APOB: variants seen among roughly 807,000 people sequenced by gnomAD.
The protein encoded by APOB is apolipoprotein B.
Under a neutral mutation model 314.1 loss-of-function variants are expected in APOB, and 153 were observed. That is an observed-to-expected ratio of 0.49 (90% CI 0.43 to 0.56). The LOEUF (loss-of-function observed/expected upper bound fraction) is 0.56, where lower values mean the gene tolerates loss of function less well. Among genes scored for constraint, APOB ranks in the 20% least tolerant of loss-of-function variants. The pLI, the probability that APOB is intolerant of heterozygous loss-of-function variation, is 0.00. For synonymous variants in APOB, 2,087 were observed against 2,036.4 expected (o/e 1.02, Z -0.67); for missense variants, 5,430 against 5,350.7 (o/e 1.01, Z -0.46).
intron 2 of APOB, among the ~76,000 whole-genome samples, 167 bp from the exon 3 acceptor site, chr2:21,042,643 TCCA>T (rs780306174): frequency 3.3e-5 from 5 of 152,106 alleles, no homozygotes; most frequent in South Asian, 4.2e-4. Context: ...ATTTGACTTC[TCCA>T]TTATGTTTTT....
In APOB at chr2:21,003,059, C is replaced by T; in HGVS notation, c.12363G>A (p.Arg4121=). The change falls in exon 29 of 29, where the codon AGG becomes AGA. Residue 4121 remains arginine (R), a synonymous_variant. Transcript: ENST00000233242. The part of the protein sequence containing the change: ...NAEWVYQGAI[R]QIDDIDVRFQ... The stretch of plus-strand genomic sequence containing the variant: ...ACCTCACGTCGATATCATCAATTTG[C>T]CTAATGGCCCCTTGATAAACCCACT... The T allele has an allele frequency of 1.3e-6, 2 of 1,570,746 alleles. No homozygotes were observed. Among genetic ancestry groups the T allele is most frequent in the South Asian group, 2.4e-5 (2 of 83,230 alleles).
Position 21,010,274 on chromosome 2 carries a change from A to G in APOB, c.6594T>C (p.Ile2198=). ...CAATGATTTCATCAATAATATTAGC[A>G]ATAGCTATTTTCAAATCATGTAAAT... ...SYDLHDLKIA[I]ANIIDEIIEK... Residue 2198 remains isoleucine, a synonymous_variant, in exon 26 of 29, where the codon ATT becomes ATC. Coordinates refer to ENST00000233242, the MANE Select transcript of APOB (RefSeq NM_000384.3). The G allele has an allele frequency of 6.4e-7, 1 of 1,553,040 alleles. No individual in the cohort carries two copies. The highest frequency in any genetic ancestry group is 8.7e-7 in the Non-Finnish European group (1 of 1,150,824).
At chr2:21,035,526 G>T in intron 7 of APOB, 58 bp downstream of exon 7, 3 of 1,603,490 alleles carry the variant, frequency 1.9e-6, no homozygotes, top group Non-Finnish European at 2.6e-6. Flanking sequence ...CACTTGAGAA[G>T]TGTTCAGTTC....
rs773668266 is a variant in APOB at position 21,029,626 on chromosome 2, T to C, written c.1617+13A>G. 4 of 1,614,044 alleles carry C rather than the reference T, an allele frequency of 2.5e-6. No homozygotes were observed. Reference sequence around the variant, plus strand: ...TAAACTTTCACTTTCAGACCTCTTCTTGTGGACTTTACCTTGTCTTTAGGC... The same window carrying C: ...TAAACTTTCACTTTCAGACCTCTTCCTGTGGACTTTACCTTGTCTTTAGGC... On this transcript the variant is annotated intron_variant, in intron 12 of 28. Coordinates refer to ENST00000233242, the MANE Select transcript of APOB (RefSeq NM_000384.3).
chr2:21,018,900 T>C, intron 20 of APOB, 92 bp downstream of exon 20: 1 of 1,595,810 alleles, frequency 6.3e-7, no homozygotes, highest in Non-Finnish European at 8.6e-7. Context: ...TTAACCTATT[T>C]GTTAAATAGG....
At position 21,042,353 on chromosome 2, in the gene APOB, C is replaced by T. The variant is rs1558577757; in HGVS notation, c.237+8G>A. The T allele has an allele frequency of 6.2e-7, 1 of 1,608,418 alleles. No individual in the cohort carries two copies. Among genetic ancestry groups the T allele is most frequent in the Non-Finnish European group, 8.5e-7 (1 of 1,175,162 alleles). ...GCTCTAGGTCCCTCCTGCCTGCATC[C>T]TCCATACCTTGCAGTTGATCCTGGT... is the stretch of plus-strand genomic sequence containing the variant. On this transcript the variant is annotated splice_region_variant and intron_variant, in intron 3 of 28. Coordinates refer to ENST00000233242, the MANE Select transcript of APOB (RefSeq NM_000384.3).
rs560928668 is a variant in APOB at position 21,007,416 on chromosome 2, G to A, written c.9452C>T (p.Ser3151Phe). ...IITTPPLKDFSLWEKTGLKEF... is the reference protein window; with the variant it reads ...IITTPPLKDFFLWEKTGLKEF... ...CTTCAAGCCTGTTTTTTCCCATAGA[G>A]AGAAATCTTTCAGTGGAGGAGTTGT... is the stretch of plus-strand genomic sequence containing the variant. The change falls in exon 26 of 29, where the codon TCT (serine) becomes TTT (phenylalanine). Residue 3151 changes from serine to phenylalanine, a missense_variant. This residue lies in a region of APOB where 3,281 missense variants were observed against 3,171.0 expected (regional missense o/e 1.03). Coordinates refer to ENST00000233242, the MANE Select transcript of APOB (RefSeq NM_000384.3). 2.0e-5 allele frequency: 32 copies of A among 1,613,834 alleles called. No homozygotes were observed. In the East Asian group the frequency reaches 5.6e-4, roughly 28 times the overall value.
chr2:21,013,044 G>A (rs950396794), intron 25 of APOB, 116 bp downstream of exon 25: 27 of 1,259,732 alleles, frequency 2.1e-5, no homozygotes, highest in Non-Finnish European at 2.8e-5. Context: ...AGACTTCCAA[G>A]TAGCAAGGAA....
chr2:21,024,665 G>C, intron 16 of APOB: 1 of 606,610 alleles, frequency 1.6e-6, no homozygotes, highest in South Asian at 2.2e-5. Flanking sequence ...AAAGGTAGAG[G>C]AAGGTATACC....
In APOB at chr2:21,011,892, T is replaced by C; in HGVS notation, c.4976A>G (p.Asn1659Ser). ...QDGISTSATT[N>S]LKCSLLVLEN... ...CAGCACCAGGAGACTACACTTCAAG[T>C]TGGTCGTTGCACTGGTAGATATTCC... The change falls in exon 26 of 29, where the codon AAC becomes AGC. Residue 1659 changes from asparagine (N) to serine (S), a missense_variant. By Grantham distance (46) the Asn-to-Ser change is conservative. This residue lies in a region of APOB where 2,085 missense variants were observed against 2,079.7 expected (regional missense o/e 1.00). Transcript: ENST00000233242. 1 of 1,614,004 alleles carries C rather than the reference T, an allele frequency of 6.2e-7. No homozygotes were observed. The highest frequency in any genetic ancestry group is 8.5e-7 in the Non-Finnish European group (1 of 1,180,030).
In APOB at chr2:21,005,426, G is replaced by A. The variant is rs72654408; in HGVS notation, c.11442C>T (p.Thr3814=). 238 of 1,613,896 alleles carry A rather than the reference G, an allele frequency of 1.5e-4. No individual in the cohort carries two copies. The highest frequency in any genetic ancestry group is 1.2e-3 in the Middle Eastern group (7 of 6,062). The change falls in exon 26 of 29, where the codon ACC becomes ACT. Residue 3814 remains threonine (T), a synonymous_variant. Coordinates refer to ENST00000233242, the MANE Select transcript of APOB (RefSeq NM_000384.3). The part of the protein sequence containing the change: ...EDSLIPFFEI[T]VPESQLTVSQ... Reference sequence around the variant, plus strand: ...ACACAGTTAACTGAGATTCAGGCACGGTTATCTCAAAAAAGGGAATCAAGG... The same window carrying A: ...ACACAGTTAACTGAGATTCAGGCACAGTTATCTCAAAAAAGGGAATCAAGG...
chr2:21,029,430 C>A (rs1297910912), intron 12 of APOB, among the ~76,000 whole-genome samples: 1 of 150,230 alleles, frequency 6.7e-6, no homozygotes, highest in South Asian at 2.1e-4. Context: ...CCAGCCTGGG[C>A]AATAGAGTGA....
chr2:21,019,544 C>G (rs1663547770), intron 19 of APOB, among the ~76,000 whole-genome samples, 179 bp downstream of exon 19: 3 of 152,182 alleles, frequency 2.0e-5, no homozygotes, highest in South Asian at 4.1e-4. Context: ...CACAAGGAAG[C>G]AAAAGGTGAC....
At chr2:21,043,827 C>G (rs756249471) in intron 1 of APOB, 37 bp downstream of exon 1, 35 of 1,534,572 alleles carry the variant, frequency 2.3e-5, no homozygotes, top group African/African-American at 4.1e-5. Context: ...GGCTCCCTCC[C>G]GCTCCCTCTG....
At position 21,023,566 on chromosome 2, in the gene APOB, C is replaced by T. The variant is rs1663665392; in HGVS notation, c.2563G>A (p.Ala855Thr). The T allele has an allele frequency of 2.5e-6, 4 of 1,614,214 alleles. No individual in the cohort carries two copies. Among genetic ancestry groups the T allele is most frequent in the Non-Finnish European group, 3.4e-6 (4 of 1,180,032 alleles). ...TTTACTCCAGCCTTGGCTCCGGGAG[C>T]AATGACTCCAGATGAAGATATTTGC... ...QLQISSSGVI[A>T]PGAKAGVKLE... The change falls in exon 17 of 29, where the codon GCT (alanine) becomes ACT (threonine). Residue 855 changes from alanine (A) to threonine (T), a missense_variant. Physicochemically the swap from Ala to Thr is moderately conservative, Grantham distance 58. Transcript: ENST00000233242.
At chr2:21,033,616 G>A (rs963702953) in intron 8 of APOB, 98 bp from the exon 9 acceptor site, 19 of 1,022,950 alleles carry the variant, frequency 1.9e-5, no homozygotes, top group Non-Finnish European at 2.8e-5. Context: ...CAGCACAGGG[G>A]AAAAGGGAAA....
In APOB at chr2:21,005,721, C is replaced by T; in HGVS notation, c.11147G>A (p.Gly3716Asp). The T allele has an allele frequency of 6.2e-7, 1 of 1,613,818 alleles. No individual in the cohort carries two copies. Among genetic ancestry groups the T allele is most frequent in the South Asian group, 1.1e-5 (1 of 91,062 alleles). ...TTTTACAGGGATGGAGAATGAATAG[C>T]CATTGGGGTTTTTGGTGTACACAAA... is the stretch of plus-strand genomic sequence containing the variant. Reference protein sequence around the residue: ...TAFVYTKNPNGYSFSIPVKVL... With the variant: ...TAFVYTKNPNDYSFSIPVKVL... Residue 3716 changes from glycine to aspartate, a missense_variant, in exon 26 of 29, where the codon GGC (glycine) becomes GAC (aspartate). Physicochemically the swap from Gly to Asp is moderately conservative, Grantham distance 94 (BLOSUM62 -1). Coordinates refer to ENST00000233242, the MANE Select transcript of APOB (RefSeq NM_000384.3).
chr2:21,004,861 A>C (rs1156361969), intron 26 of APOB, among the ~76,000 whole-genome samples, 186 bp from the exon 27 acceptor site: 4 of 152,256 alleles, frequency 2.6e-5, no homozygotes, highest in Non-Finnish European at 4.4e-5. Context: ...AAATAATTAC[A>C]GAAAAATCCA....
At position 21,019,829 on chromosome 2, in the gene APOB, C is replaced by G. The variant is rs1194339296; in HGVS notation, c.2893G>C (p.Val965Leu). ...PLIENRQSWS[V>L]CKQVFPGLNY... is the part of the protein sequence containing the mutation. ...AGGCCAGGAAAGACTTGCTTGCAAA[C>G]TGACCAGGACTGCCTGTTCTCAATG... Residue 965 changes from valine to leucine, a missense_variant, in exon 19 of 29, where the codon GTT (valine) becomes CTT (leucine). By Grantham distance (32) the Val-to-Leu change is conservative. This residue lies in a region of APOB where 2,085 missense variants were observed against 2,079.7 expected (regional missense o/e 1.00). Transcript: ENST00000233242. 2 of 1,614,078 alleles carry G rather than the reference C, an allele frequency of 1.2e-6. No individual in the cohort carries two copies. Among genetic ancestry groups the G allele is most frequent in the African/African-American group, 1.3e-5 (1 of 74,924 alleles).
Sources: gnomAD v4.1 joint callset for allele counts (sites outside exome capture counted in the v4.1 genomes callset) on GRCh38, gnomAD v4.1.1 for gene constraint, gnomAD v4.1.1 regional missense constraint, MANE v1.5 for transcripts, NCBI Gene and HGNC (gene_info 2026-07-23, HGNC 2026-07-21) for gene names.